The following FHIT variants were observed in gnomAD, a reference collection of about 807,000 sequenced individuals.
The protein encoded by FHIT is bis(5'-adenosyl)-triphosphatase.
FHIT carries 19 observed loss-of-function variants against 17.9 expected under a neutral mutation model. That is an observed-to-expected ratio of 1.06 (90% CI 0.74 to 1.56). FHIT has a LOEUF of 1.56. FHIT is among the 40% of genes most tolerant of loss of function. The probability of loss-of-function intolerance (pLI) is 0.00; values close to 1 mark genes in which losing one functional copy is unlikely to be tolerated. For missense variants in FHIT, 248 were observed against 189.2 expected, an observed-to-expected ratio of 1.31 and a Z score of -1.82; for synonymous variants, 81 against 69.7, an observed-to-expected ratio of 1.16 and a Z score of -0.81.
chr3:60,899,621 A>C (rs9826649), intron 3 of FHIT, among the ~76,000 whole-genome samples: 43,593 of 152,076 alleles, frequency 0.29, 6,447 homozygotes, highest in African/African-American at 0.34. Context: ...CTCTTGTCAC[A>C]TCCAACAGTG....
intron 8 of FHIT, among the ~76,000 whole-genome samples, chr3:59,886,903 C>A (rs147715482): frequency 6.6e-6 from 1 of 152,258 alleles, no homozygotes; most frequent in Non-Finnish European, 1.5e-5. Flanking sequence ...TTATTGAGAA[C>A]CAACTATTTG....
chr3:60,576,139 C>A (rs2037557348), intron 4 of FHIT, among the ~76,000 whole-genome samples: 1 of 151,900 alleles, frequency 6.6e-6, no homozygotes, highest in African/African-American at 2.4e-5. Flanking sequence ...TCAGGCAAAA[C>A]AAAGATTACC....
At chr3:59,805,819 G>A (rs534467703) in intron 8 of FHIT, among the ~76,000 whole-genome samples, 2 of 152,212 alleles carry the variant, frequency 1.3e-5, no homozygotes, top group African/African-American at 4.8e-5. Flanking sequence ...ACCATGTACT[G>A]AGCATGATGC....
intron 5 of FHIT, among the ~76,000 whole-genome samples, chr3:60,412,561 T>C (rs908054625): frequency 2.0e-5 from 3 of 152,190 alleles, no homozygotes; most frequent in African/African-American, 7.2e-5. Flanking sequence ...GTGCCATTTA[T>C]TGACCACCGA....
chr3:60,276,943 T>G (rs984018833), intron 5 of FHIT, among the ~76,000 whole-genome samples: 2 of 152,136 alleles, frequency 1.3e-5, no homozygotes, highest in African/African-American at 4.8e-5. Context: ...TCCACCCTCA[T>G]GTCCCAAACA....
chr3:60,773,625 G>C (rs1005592298), intron 4 of FHIT, among the ~76,000 whole-genome samples: 11 of 152,184 alleles, frequency 7.2e-5, no homozygotes, highest in African/African-American at 2.7e-4. Flanking sequence ...TGTAACTAGA[G>C]CTTCCTACCA....
intron 5 of FHIT, among the ~76,000 whole-genome samples, chr3:60,084,893 G>A (rs1416240582): frequency 6.6e-6 from 1 of 151,926 alleles, no homozygotes; most frequent in Non-Finnish European, 1.5e-5. Flanking sequence ...TGGGTTAGAT[G>A]TTATGATCTT....
chr3:61,169,233 T>C (rs1434887668), intron 2 of FHIT, among the ~76,000 whole-genome samples: 1 of 152,182 alleles, frequency 6.6e-6, no homozygotes, highest in Non-Finnish European at 1.5e-5. Flanking sequence ...ATAAATTCTG[T>C]CTTACAGGCT....
At chr3:61,196,631 T>C (rs920854448) in intron 2 of FHIT, among the ~76,000 whole-genome samples, 3 of 152,128 alleles carry the variant, frequency 2.0e-5, no homozygotes, top group African/African-American at 7.2e-5. Context: ...GATGACATCT[T>C]CACCTGGGGT....
intron 4 of FHIT, among the ~76,000 whole-genome samples, chr3:60,600,385 G>A (rs1370615704): frequency 2.6e-5 from 4 of 151,838 alleles, no homozygotes; most frequent in Admixed American, 2.0e-4. Flanking sequence ...TAGTGCATCT[G>A]TCATAAACTA....
chr3:60,081,461 G>A (rs1393084925), intron 5 of FHIT, among the ~76,000 whole-genome samples: 1 of 152,034 alleles, frequency 6.6e-6, no homozygotes, highest in East Asian at 1.9e-4. Context: ...GAGTGATCCT[G>A]AAGTTCCTTA....
intron 5 of FHIT, among the ~76,000 whole-genome samples, chr3:60,475,224 G>A (rs186343426): frequency 2.9e-4 from 44 of 152,162 alleles, no homozygotes; most frequent in Non-Finnish European, 6.3e-4. Flanking sequence ...TATAAAGTAG[G>A]TATCTTGAGA....
intron 5 of FHIT, among the ~76,000 whole-genome samples, chr3:60,076,622 C>T (rs1441421257): frequency 6.6e-6 from 1 of 151,934 alleles, no homozygotes; most frequent in Non-Finnish European, 1.5e-5. Flanking sequence ...TGTAGTGAGA[C>T]ACCAGATTAG....
At chr3:60,538,738 A>AT (rs2036077134) in intron 4 of FHIT, among the ~76,000 whole-genome samples, 1 of 152,252 alleles carries the variant, frequency 6.6e-6, no homozygotes, top group African/African-American at 2.4e-5. Flanking sequence ...GGCTAGCCCT[A>AT]TGTAGAAAGC....
rs145105036 is a variant in FHIT at position 61,058,289 on chromosome 3, A to G, written c.-163-16190T>C. On this transcript the variant is annotated intron_variant, in intron 2 of 9. Transcript: ENST00000492590. ...CCTGGATGATGTCTCCACATTTTAC[A>G]TATTCCATGATAGTTTCCAATAATT... is the stretch of plus-strand genomic sequence containing the variant. Among the ~76,000 whole-genome samples the G allele has an allele frequency of 2.4e-3, 359 of 152,338 alleles. 1 individual carries two copies. The highest frequency in any genetic ancestry group is 0.01 in the Middle Eastern group (3 of 294).
chr3:60,914,740 T>C (rs1277793175), intron 3 of FHIT, among the ~76,000 whole-genome samples: 3 of 152,234 alleles, frequency 2.0e-5, no homozygotes, highest in African/African-American at 4.8e-5. Flanking sequence ...ACCAGCAATA[T>C]AACCTTGTAT....
intron 3 of FHIT, among the ~76,000 whole-genome samples, chr3:60,828,952 T>C (rs750980097): frequency 4.1e-4 from 62 of 150,872 alleles, no homozygotes; most frequent in Non-Finnish European, 8.7e-4. Flanking sequence ...GGAACTTAAA[T>C]TAAACCTGAG....
chr3:60,616,624 C>T (rs868995265), intron 4 of FHIT, among the ~76,000 whole-genome samples: 12 of 151,806 alleles, frequency 7.9e-5, no homozygotes, highest in Admixed American at 4.6e-4. Flanking sequence ...ATAAATCAAA[C>T]GTGAAAGATC....
chr3:60,602,909 C>G (rs919989090), intron 4 of FHIT, among the ~76,000 whole-genome samples: 1 of 152,106 alleles, frequency 6.6e-6, no homozygotes, highest in South Asian at 2.1e-4. Flanking sequence ...GAAAGCAAGC[C>G]TTTGCCAGAC....
Sources: allele counts gnomAD v4.1 joint callset (sites outside exome capture counted in the v4.1 genomes callset), GRCh38; gene constraint gnomAD v4.1.1; transcripts MANE v1.5; gene names NCBI Gene and HGNC (gene_info 2026-07-23, HGNC 2026-07-21).